ADAM32: variants seen among roughly 807,000 people sequenced by gnomAD.
The protein encoded by ADAM32 is disintegrin and metalloproteinase domain-containing protein 32.
Under a neutral mutation model 114.9 loss-of-function variants are expected in ADAM32, and 89 were observed. The observed-to-expected ratio is 0.77, with a 90% CI of 0.65 to 0.92. ADAM32 has a LOEUF of 0.92. Ranked by LOEUF, ADAM32 falls within the 40% of genes least tolerant of loss-of-function variation. The probability of loss-of-function intolerance (pLI) is 0.00; values close to 1 mark genes in which losing one functional copy is unlikely to be tolerated. For synonymous variants in ADAM32, 285 were observed against 307.5 expected (o/e 0.93, Z 0.77); for missense variants, 870 against 932.8 (o/e 0.93, Z 0.88).
chr8:39,249,042 A>T (rs902159706), intron 17 of ADAM32, among the ~76,000 whole-genome samples: 1 of 151,672 alleles, frequency 6.6e-6, no homozygotes, highest in Admixed American at 6.6e-5. Flanking sequence ...AGGTGGGACT[A>T]CAGGGGTCCT....
intron 11 of ADAM32, among the ~76,000 whole-genome samples, chr8:39,210,205 G>A (rs1808116486): frequency 6.6e-6 from 1 of 152,124 alleles, no homozygotes. Context: ...AGTGGGGCTG[G>A]TACAGGCTTT....
At chr8:39,169,203 A>AT (rs951908457) in intron 9 of ADAM32, 1 of 152,188 alleles carries the variant, frequency 6.6e-6, no homozygotes, top group African/African-American at 2.4e-5. Flanking sequence ...GGGGCTCTAA[A>AT]TAAGGCAGTA....
intron 19 of ADAM32, among the ~76,000 whole-genome samples, chr8:39,258,528 T>C (rs901159635): frequency 2.6e-5 from 4 of 152,140 alleles, no homozygotes; most frequent in Non-Finnish European, 5.9e-5. Context: ...TTCAATTATA[T>C]GATTTATTTT....
chr8:39,215,425 A>C (rs1003936497), intron 12 of ADAM32, among the ~76,000 whole-genome samples: 2 of 151,642 alleles, frequency 1.3e-5, no homozygotes, highest in Non-Finnish European at 2.9e-5. Context: ...ATTTTATTTC[A>C]TTTATAGTTA....
intron 6 of ADAM32, among the ~76,000 whole-genome samples, chr8:39,156,446 T>G (rs1439516343): frequency 6.6e-6 from 1 of 152,234 alleles, no homozygotes; most frequent in East Asian, 1.9e-4. Context: ...CACCCAGCTA[T>G]AATAATATCT....
Position 39,227,400 on chromosome 8 carries a change from G to A in ADAM32, c.1525+4162G>A, listed in dbSNP as rs140451040. Among the ~76,000 whole-genome samples, 5 of 152,258 alleles carry A rather than the reference G, an allele frequency of 3.3e-5. No homozygotes were observed. In the East Asian group the frequency reaches 7.7e-4, roughly 24 times the overall value. ...TCCCCAGGCAGACCATTCCTGCCTG[G>A]CACCACAGGGATCTATCTGGAGGAC... is the stretch of plus-strand genomic sequence containing the variant. On this transcript the variant is annotated intron_variant, in intron 14 of 24. Coordinates refer to ENST00000379907, the MANE Select transcript of ADAM32 (RefSeq NM_145004.7).
At chr8:39,270,477 T>C (rs1296940127) in intron 19 of ADAM32, among the ~76,000 whole-genome samples, 2 of 152,184 alleles carry the variant, frequency 1.3e-5, no homozygotes, top group African/African-American at 4.8e-5. Context: ...AGGCTTCAGC[T>C]CCTTCTAAGG....
At chr8:39,131,022 T>C (rs1359324034) in intron 2 of ADAM32, among the ~76,000 whole-genome samples, 3 of 147,300 alleles carry the variant, frequency 2.0e-5, no homozygotes, top group Non-Finnish European at 4.5e-5. Context: ...AGTGGCGTGA[T>C]CTCGGCTCAC....
intron 2 of ADAM32, among the ~76,000 whole-genome samples, chr8:39,125,103 G>T (rs1802031698): frequency 1.3e-5 from 2 of 152,136 alleles, no homozygotes; most frequent in Non-Finnish European, 2.9e-5. Context: ...GAGCAATGAT[G>T]TTGAGTTTTT....
At chr8:39,141,863 T>C (rs995365741) in intron 3 of ADAM32, among the ~76,000 whole-genome samples, 11 of 152,176 alleles carry the variant, frequency 7.2e-5, no homozygotes, top group Non-Finnish European at 1.6e-4. Flanking sequence ...GCTTTATGAA[T>C]CTGGGTGCTC....
intron 2 of ADAM32, among the ~76,000 whole-genome samples, chr8:39,122,044 A>G (rs1419545204): frequency 6.6e-6 from 1 of 152,136 alleles, no homozygotes; most frequent in Admixed American, 6.5e-5. Context: ...GTATTTTGGA[A>G]GCACATAACT....
intron 2 of ADAM32, among the ~76,000 whole-genome samples, chr8:39,121,984 G>C (rs1840607838): frequency 6.6e-6 from 1 of 152,064 alleles, no homozygotes; most frequent in African/African-American, 2.4e-5. Flanking sequence ...TTTTTTTCTG[G>C]TTTCTCCTTG....
chr8:39,270,940 A>C, intron 20 of ADAM32, 26 bp downstream of exon 20: 1 of 1,589,904 alleles, frequency 6.3e-7, no homozygotes, highest in Non-Finnish European at 8.6e-7. Context: ...GGTGTTTTTA[A>C]GATACATGTT....
At chr8:39,185,342 C>CAAAA (rs756245837) in intron 10 of ADAM32, among the ~76,000 whole-genome samples, 2 of 11,940 alleles carry the variant, frequency 1.7e-4, no homozygotes, top group Non-Finnish European at 3.5e-4. Context: ...CTCCAGTCTA[C>CAAAA]AAAAAAAAAA....
chr8:39,141,544 G>C (rs1304724081), intron 3 of ADAM32, among the ~76,000 whole-genome samples: 2 of 152,138 alleles, frequency 1.3e-5, no homozygotes, highest in Admixed American at 6.6e-5. Context: ...ATTGCACTGT[G>C]GTCTGAGAGA....
In ADAM32 at chr8:39,201,837, A is replaced by G. The variant is rs543743071; in HGVS notation, c.1053-9307A>G. ...AATTTATTGAGAGTTTTTAGCATGA[A>G]GGGCTGTTGAATTTTATCAAAGGCC... On this transcript the variant is annotated intron_variant, in intron 11 of 24. Coordinates refer to ENST00000379907, the MANE Select transcript of ADAM32 (RefSeq NM_145004.7). Among the ~76,000 whole-genome samples, 26 of 152,326 alleles carry G rather than the reference A, an allele frequency of 1.7e-4. 1 individual carries two copies. The South Asian group carries it at 4.6e-3, about 27-fold the overall frequency.
chr8:39,132,228 C>T (rs1458551341), intron 2 of ADAM32, among the ~76,000 whole-genome samples: 2 of 152,160 alleles, frequency 1.3e-5, no homozygotes, highest in South Asian at 2.1e-4. Context: ...ATAGATTGTA[C>T]CAATCTATTT....
At chr8:39,173,890 T>A (rs1195447333) in intron 10 of ADAM32, among the ~76,000 whole-genome samples, 1 of 152,126 alleles carries the variant, frequency 6.6e-6, no homozygotes, top group Non-Finnish European at 1.5e-5. Context: ...AGTGGCACAA[T>A]CTAGGCTCAC....
At chr8:39,136,879 A>G (rs1270674024) in intron 3 of ADAM32, among the ~76,000 whole-genome samples, 161 bp downstream of exon 3, 1 of 152,220 alleles carries the variant, frequency 6.6e-6, no homozygotes, top group Non-Finnish European at 1.5e-5. Flanking sequence ...TTTTGGTTTT[A>G]ATGTCTCAAG....
Sources: gnomAD v4.1 joint callset for allele counts (sites outside exome capture counted in the v4.1 genomes callset) on GRCh38, gnomAD v4.1.1 for gene constraint, MANE v1.5 for transcripts, NCBI Gene and HGNC (gene_info 2026-07-23, HGNC 2026-07-21) for gene names.